INS: variants seen among roughly 807,000 people sequenced by gnomAD.
INS encodes preproinsulin.
A neutral mutation model predicts 10.5 loss-of-function variants in INS; 6 were observed. The observed-to-expected ratio is 0.57, with a 90% CI of 0.31 to 1.13. INS has a LOEUF of 1.13. Among genes scored for constraint, INS ranks in the 50% most tolerant of loss-of-function variants. The pLI is 0.05. For missense variants in INS, 109 were observed against 138.6 expected (o/e 0.79, Z 1.07); for synonymous variants, 71 against 62.7 (o/e 1.13, Z -0.63).
chr11:2,159,992 GC>G lies in INS; in HGVS notation c.192del (p.Gln65ArgfsTer66). 6.3e-7 allele frequency: 1 copy of G among 1,583,392 alleles called. No homozygotes were observed. The highest frequency in any genetic ancestry group is 1.1e-5 in the South Asian group (1 of 87,016). Reference protein sequence around the residue: ...TRREAEDLQVGQVELGGGPGA... With the variant: ...TRREAEDLQVXQVELGGGPGA... The stretch of plus-strand genomic sequence containing the variant: ...CCAGGGCCCCCGCCCAGCTCCACCT[GC>G]CCCACTGCCAGGACGTGCCGCGCAG... On this transcript the variant is annotated frameshift_variant, in exon 3 of 3. Coordinates refer to ENST00000381330, the MANE Select transcript of INS (RefSeq NM_000207.3). LOFTEE classifies it high-confidence loss of function.
chr11:2,160,907 G>A lies in INS; in HGVS notation c.65C>T (p.Ala22Val), dbSNP rs745671341. The stretch of plus-strand genomic sequence containing the variant: ...CAGGTGTTGGTTCACAAAGGCTGCG[G>A]CTGGGTCAGGTCCCCAGAGGGCCAG... The part of the protein sequence containing the change: ...ALLALWGPDP[A>V]AAFVNQHLCG... Residue 22 changes from alanine to valine, a missense_variant, in exon 2 of 3, where the codon GCC becomes GTC. Around this residue, in one of 2 missense-constraint regions of INS, gnomAD observed 108 missense variants for 118.0 expected, o/e 0.92. Coordinates refer to ENST00000381330, the MANE Select transcript of INS (RefSeq NM_000207.3). The A allele has an allele frequency of 1.2e-6, 2 of 1,612,660 alleles. No individual in the cohort carries two copies. Among genetic ancestry groups the A allele is most frequent in the Non-Finnish European group, 1.7e-6 (2 of 1,179,854 alleles).
At position 2,160,016 on chromosome 11, in the gene INS, C is replaced by T. The variant is rs1452364912; in HGVS notation, c.188-19G>A. On this transcript the variant is annotated intron_variant, in intron 2 of 2. Transcript: ENST00000381330. ...TGCCCCACTGCCAGGACGTGCCGCG[C>T]AGAGCAGGTTCCGGAACAGCGGCGA... 2 of 1,570,418 alleles carry T rather than the reference C, an allele frequency of 1.3e-6. No homozygotes were observed. The highest frequency in any genetic ancestry group is 2.7e-5 in the African/African-American group (2 of 74,480).
chr11:2,159,939 C>G lies in INS; in HGVS notation c.246G>C (p.Leu82=). 1 of 1,598,304 alleles carries G rather than the reference C, an allele frequency of 6.3e-7. No individual in the cohort carries two copies. The highest frequency in any genetic ancestry group is 8.5e-7 in the Non-Finnish European group (1 of 1,173,994). The change falls in exon 3 of 3, where the codon CTG becomes CTC. Residue 82 remains leucine (L), a synonymous_variant. Coordinates refer to ENST00000381330, the MANE Select transcript of INS (RefSeq NM_000207.3). ...PGAGSLQPLA[L]EGSLQKRGIV... ...TGCCACGCTTCTGCAGGGACCCCTC[C>G]AGGGCCAAGGGCTGCAGGCTGCCTG...
rs745511856 is a variant in INS at position 2,160,807 on chromosome 11, G to A, written c.165C>T (p.Arg55=). Residue 55 remains arginine (R), a synonymous_variant, in exon 2 of 3, where the codon CGC becomes CGT. Transcript: ENST00000381330. ...CACCCTGCAGGTCCTCTGCCTCCCG[G>A]CGGGTCTTGGGTGTGTAGAAGAAGC... ...ERGFFYTPKT[R]REAEDLQVGQ... 1 of 1,612,410 alleles carries A rather than the reference G, an allele frequency of 6.2e-7. No individual in the cohort carries two copies. The highest frequency in any genetic ancestry group is 8.5e-7 in the Non-Finnish European group (1 of 1,179,626).
chr11:2,161,124 C>T (rs1845886849), intron 1 of INS, 44 bp downstream of exon 1: 1 of 1,140,526 alleles, frequency 8.8e-7, no homozygotes, highest in African/African-American at 1.6e-5. Context: ...TCCAGCCACC[C>T]TGGAATCCTG....
rs1055481007 is a variant in INS at position 2,160,816 on chromosome 11, G to C, written c.156C>G (p.Pro52=). The part of the protein sequence containing the change: ...VCGERGFFYT[P]KTRREAEDLQ... ...GGTCCTCTGCCTCCCGGCGGGTCTTGGGTGTGTAGAAGAAGCCTCGTTCCC... is the reference window on the plus strand; with the variant it reads ...GGTCCTCTGCCTCCCGGCGGGTCTTCGGTGTGTAGAAGAAGCCTCGTTCCC... The change falls in exon 2 of 3, where the codon CCC becomes CCG. Residue 52 remains proline, a synonymous_variant. Transcript: ENST00000381330. The C allele has an allele frequency of 1.2e-6, 2 of 1,612,452 alleles. No homozygotes were observed. Among genetic ancestry groups the C allele is most frequent in the African/African-American group, 2.7e-5 (2 of 74,914 alleles).
chr11:2,160,543 C>T (rs1175676720), intron 2 of INS, among the ~76,000 whole-genome samples: 3 of 152,148 alleles, frequency 2.0e-5, no homozygotes, highest in Non-Finnish European at 4.4e-5. Context: ...GAGGAGCGTG[C>T]CCACCCTCTG....
At position 2,159,866 on chromosome 11, in the gene INS, T is replaced by C. The variant is rs1171089834; in HGVS notation, c.319A>G (p.Asn107Asp). 6.2e-7 allele frequency: 1 copy of C among 1,611,156 alleles called. No homozygotes were observed. Among genetic ancestry groups the C allele is most frequent in the Admixed American group, 1.7e-5 (1 of 59,774 alleles). Residue 107 changes from asparagine to aspartate, a missense_variant, in exon 3 of 3, where the codon AAC (asparagine) becomes GAC (aspartate). Around this residue, in one of 2 missense-constraint regions of INS, gnomAD observed 1 missense variants for 20.6 expected, o/e 0.05. Transcript: ENST00000381330. ...GCGGGCTGCGTCTAGTTGCAGTAGT[T>C]CTCCAGCTGGTAGAGGGAGCAGATG... ...TSICSLYQLE[N>D]YCN is the part of the protein sequence containing the mutation.
At chr11:2,161,131 C>T in intron 1 of INS, 37 bp downstream of exon 1, 2 of 946,742 alleles carry the variant, frequency 2.1e-6, no homozygotes, top group Non-Finnish European at 3.1e-6. Flanking sequence ...ACCCTGGAAT[C>T]CTGAGCCCAC....
chr11:2,160,504 G>A (rs1021842471), intron 2 of INS, among the ~76,000 whole-genome samples: 8 of 152,150 alleles, frequency 5.3e-5, no homozygotes, highest in Admixed American at 2.0e-4. Context: ...AATGGGCTGC[G>A]GGGCATTTGT....
chr11:2,159,996 C>T lies in INS; in HGVS notation c.189G>A (p.Val63=). 1 of 1,582,754 alleles carries T rather than the reference C, an allele frequency of 6.3e-7. No homozygotes were observed. The highest frequency in any genetic ancestry group is 1.8e-5 in the Admixed American group (1 of 55,372). Residue 63 remains valine (V), a splice_region_variant and synonymous_variant, in exon 3 of 3, where the codon GTG becomes GTA. Coordinates refer to ENST00000381330, the MANE Select transcript of INS (RefSeq NM_000207.3). Reference sequence around the variant, plus strand: ...GGCCCCCGCCCAGCTCCACCTGCCCCACTGCCAGGACGTGCCGCGCAGAGC... The same window carrying T: ...GGCCCCCGCCCAGCTCCACCTGCCCTACTGCCAGGACGTGCCGCGCAGAGC... ...KTRREAEDLQ[V]GQVELGGGPG... is the part of the protein sequence containing the mutation.
rs3842748 is a variant in INS at position 2,160,165 on chromosome 11, C to G, written c.188-168G>C. ...CAGGTTAGAGGGAGGGTCACCCACA[C>G]TGGGTGTGGACCTACAGGCCCCAAC... On this transcript the variant is annotated intron_variant, in intron 2 of 2. Transcript: ENST00000381330. 0.66 allele frequency among the ~76,000 whole-genome samples: 101,041 copies of G among 152,124 alleles called. 37,104 individuals carry two copies. Among genetic ancestry groups the G allele is most frequent in the East Asian group, 0.96 (4,924 of 5,146 alleles).
chr11:2,160,020 G>A, intron 2 of INS, 23 bp from the exon 3 acceptor site: 1 of 1,566,538 alleles, frequency 6.4e-7, no homozygotes, highest in Non-Finnish European at 8.6e-7. Context: ...GCCGCGCAGA[G>A]CAGGTTCCGG....
In INS at chr11:2,159,921, C is replaced by T. The variant is rs753412890; in HGVS notation, c.264G>A (p.Lys88=). The change falls in exon 3 of 3, where the codon AAG becomes AAA. Residue 88 remains lysine (K), a synonymous_variant. Coordinates refer to ENST00000381330, the MANE Select transcript of INS (RefSeq NM_000207.3). ...QPLALEGSLQ[K]RGIVEQCCTS... is the part of the protein sequence containing the mutation. ...TACAGCATTGTTCCACAATGCCACGCTTCTGCAGGGACCCCTCCAGGGCCA... is the reference window on the plus strand; with the variant it reads ...TACAGCATTGTTCCACAATGCCACGTTTCTGCAGGGACCCCTCCAGGGCCA... 6.2e-7 allele frequency: 1 copy of T among 1,603,242 alleles called. No homozygotes were observed. Among genetic ancestry groups the T allele is most frequent in the South Asian group, 1.1e-5 (1 of 88,836 alleles).
chr11:2,160,258 C>T (rs1040627809), intron 2 of INS, among the ~76,000 whole-genome samples: 1 of 152,162 alleles, frequency 6.6e-6, no homozygotes, highest in African/African-American at 2.4e-5. Flanking sequence ...ACAGGTGATC[C>T]CAGTACTTCT....
rs778855683 is a variant in INS at position 2,160,777 on chromosome 11, T to C, written c.187+8A>G. ...GCGGCCAGGGGCAGCAATGGGCAGT[T>C]GGCTCACCCTGCAGGTCCTCTGCCT... On this transcript the variant is annotated splice_region_variant and intron_variant, in intron 2 of 2. Transcript: ENST00000381330. 6.8e-6 allele frequency: 11 copies of C among 1,611,036 alleles called. No individual in the cohort carries two copies. The Admixed American group carries it at 1.8e-4, about 27-fold the overall frequency.
rs767089366 is a variant in INS, at chr11:2,159,812, T to C, written c.*40A>G. ...AAGGGCTTTATTCCATCTCTCTCGG[T>C]GCAGGAGGCGGCGGGTGTGGGGCTG... is the stretch of plus-strand genomic sequence containing the variant. On this transcript the variant is annotated 3_prime_UTR_variant, in exon 3 of 3. Coordinates refer to ENST00000381330, the MANE Select transcript of INS (RefSeq NM_000207.3). The C allele has an allele frequency of 2.1e-5, 33 of 1,604,298 alleles. No homozygotes were observed. Among genetic ancestry groups the C allele is most frequent in the Non-Finnish European group, 2.5e-5 (29 of 1,175,730 alleles).
chr11:2,159,830 T>G lies in INS; in HGVS notation c.*22A>C, dbSNP rs3842753. The G allele has an allele frequency of 0.71, 1,141,562 of 1,607,734 alleles. 415,760 individuals carry two copies. Among genetic ancestry groups the G allele is most frequent in the East Asian group, 0.96 (42,817 of 44,726 alleles). Reference sequence around the variant, plus strand: ...CTCTCGGTGCAGGAGGCGGCGGGTGTGGGGCTGCCTGCGGGCTGCGTCTAG... The same window carrying G: ...CTCTCGGTGCAGGAGGCGGCGGGTGGGGGGCTGCCTGCGGGCTGCGTCTAG... On this transcript the variant is annotated 3_prime_UTR_variant, in exon 3 of 3. Transcript: ENST00000381330.
chr11:2,160,353 G>T (rs1845857621), intron 2 of INS, among the ~76,000 whole-genome samples: 1 of 152,228 alleles, frequency 6.6e-6, no homozygotes, highest in African/African-American at 2.4e-5. Flanking sequence ...GGCCCACTCA[G>T]GCAGGCAGCC....
Sources: gnomAD v4.1 joint callset for allele counts (sites outside exome capture counted in the v4.1 genomes callset) on GRCh38, gnomAD v4.1.1 for gene constraint, gnomAD v4.1.1 regional missense constraint, MANE v1.5 for transcripts, NCBI Gene and HGNC (gene_info 2026-07-23, HGNC 2026-07-21) for gene names.